The following CTNNA3 variants were observed in gnomAD, a reference collection of about 807,000 sequenced individuals.
The protein encoded by CTNNA3 is catenin alpha-3.
Under a neutral mutation model 95.7 loss-of-function variants are expected in CTNNA3, and 76 were observed. The observed-to-expected ratio is 0.79, with a 90% CI of 0.66 to 0.96. The LOEUF (loss-of-function observed/expected upper bound fraction) is 0.96. CTNNA3 is among the 40% of genes least tolerant of loss of function. The pLI, the probability that CTNNA3 is intolerant of heterozygous loss-of-function variation, is 0.00. For synonymous variants in CTNNA3, 431 were observed against 374.4 expected (o/e 1.15, Z -1.74); for missense variants, 1,191 against 1,089.8 (o/e 1.09, Z -1.31).
intron 15 of CTNNA3, among the ~76,000 whole-genome samples, chr10:66,034,795 T>G (rs139033778): frequency 3.9e-4 from 60 of 152,264 alleles, no homozygotes; most frequent in African/African-American, 1.4e-3. Context: ...ACACCACCCG[T>G]AAGCAAAACA....
intron 17 of CTNNA3, among the ~76,000 whole-genome samples, chr10:65,924,107 T>A (rs2077129351): frequency 6.6e-6 from 1 of 152,204 alleles, no homozygotes; most frequent in South Asian, 2.1e-4. Context: ...CATGTTGACT[T>A]AAGGCAAATG....
At chr10:66,763,078 C>G (rs760183361) in intron 9 of CTNNA3, among the ~76,000 whole-genome samples, 1 of 151,786 alleles carries the variant, frequency 6.6e-6, no homozygotes, top group African/African-American at 2.4e-5. Context: ...TGGTAGGGAG[C>G]AAGGAAGTAG....
chr10:67,740,812 A>T (rs992107011), intron 1 of CTNNA3, among the ~76,000 whole-genome samples: 3 of 151,378 alleles, frequency 2.0e-5, no homozygotes, highest in Non-Finnish European at 4.4e-5. Context: ...TTACTGGGTA[A>T]ATATCCAAAG....
intron 13 of CTNNA3, among the ~76,000 whole-genome samples, chr10:66,198,754 T>C (rs1473995693): frequency 6.6e-6 from 1 of 152,206 alleles, no homozygotes; most frequent in Admixed American, 6.5e-5. Context: ...ATGTATAGCA[T>C]ATATAATTAT....
At chr10:66,973,996 GT>G (rs1168625977) in intron 7 of CTNNA3, among the ~76,000 whole-genome samples, 2 of 151,990 alleles carry the variant, frequency 1.3e-5, no homozygotes, top group Non-Finnish European at 2.9e-5. Flanking sequence ...GGTTTAATAG[GT>G]TTTACCAACT....
intron 10 of CTNNA3, among the ~76,000 whole-genome samples, chr10:66,557,609 T>G (rs527332572): frequency 5.9e-5 from 9 of 152,214 alleles, no homozygotes; most frequent in African/African-American, 1.9e-4. Flanking sequence ...CAATATCCCA[T>G]CTGATTGATC....
chr10:66,974,389 C>T (rs766113338), intron 7 of CTNNA3, among the ~76,000 whole-genome samples: 29 of 152,294 alleles, frequency 1.9e-4, no homozygotes, highest in Admixed American at 5.2e-4. Context: ...GCACACTTTA[C>T]GCATTCACCT....
At chr10:67,387,227 G>T (rs1456108204) in intron 5 of CTNNA3, among the ~76,000 whole-genome samples, 1 of 152,186 alleles carries the variant, frequency 6.6e-6, no homozygotes, top group Non-Finnish European at 1.5e-5. Context: ...GAAGCAGGGT[G>T]AGGCATTGCC....
intron 16 of CTNNA3, among the ~76,000 whole-genome samples, chr10:65,967,216 A>C (rs2133258805): frequency 6.6e-6 from 1 of 151,882 alleles, no homozygotes; most frequent in East Asian, 1.9e-4. Flanking sequence ...TTGGCATCCC[A>C]CAGTGCTGGG....
chr10:66,420,721 C>A (rs956860330), intron 11 of CTNNA3, among the ~76,000 whole-genome samples: 2 of 151,870 alleles, frequency 1.3e-5, no homozygotes, highest in African/African-American at 2.4e-5. Context: ...ATCGCTTGAA[C>A]TGGGGAGGCA....
intron 15 of CTNNA3, among the ~76,000 whole-genome samples, chr10:65,996,302 C>T (rs1289931879): frequency 2.0e-5 from 3 of 152,130 alleles, no homozygotes; most frequent in Non-Finnish European, 2.9e-5. Flanking sequence ...CATGCTTTGG[C>T]TCCCTTTGTC....
intron 7 of CTNNA3, among the ~76,000 whole-genome samples, chr10:67,114,982 A>G (rs1859098828): frequency 6.6e-6 from 1 of 152,106 alleles, no homozygotes; most frequent in South Asian, 2.1e-4. Context: ...AAATGGGATT[A>G]TGTATCTAAG....
At chr10:66,227,132 T>C (rs2089333787) in intron 13 of CTNNA3, among the ~76,000 whole-genome samples, 2 of 152,186 alleles carry the variant, frequency 1.3e-5, no homozygotes, top group African/African-American at 4.8e-5. Flanking sequence ...CCTGAGTAGC[T>C]GGGACTACAC....
chr10:66,257,363 A>T (rs61867263), intron 13 of CTNNA3, among the ~76,000 whole-genome samples: 27,877 of 152,132 alleles, frequency 0.18, 2,754 homozygotes, highest in Admixed American at 0.26. Flanking sequence ...GCTGTTTTAC[A>T]CTGCCACTCC....
intron 5 of CTNNA3, among the ~76,000 whole-genome samples, chr10:67,254,656 A>G (rs1452112209): frequency 2.6e-5 from 4 of 152,246 alleles, no homozygotes; most frequent in Non-Finnish European, 4.4e-5. Context: ...GTGGTCCTGT[A>G]AGATCGTAAT....
chr10:67,264,187 C>A (rs761617300), intron 5 of CTNNA3, among the ~76,000 whole-genome samples: 1 of 151,948 alleles, frequency 6.6e-6, no homozygotes, highest in Admixed American at 6.6e-5. Context: ...TCCAGATAGA[C>A]CCATTTTTAA....
At chr10:66,265,522 T>G (rs533789888) in intron 13 of CTNNA3, among the ~76,000 whole-genome samples, 1 of 152,158 alleles carries the variant, frequency 6.6e-6, no homozygotes, top group African/African-American at 2.4e-5. Flanking sequence ...AATAACTTAT[T>G]GTCTGTCTTC....
chr10:66,190,667 G>A (rs76089850), intron 13 of CTNNA3, among the ~76,000 whole-genome samples: 1,542 of 152,126 alleles, frequency 0.01, 35 homozygotes, highest in African/African-American at 0.035. Flanking sequence ...TGCATGTTTC[G>A]TTTGTAGCAT....
chr10:66,702,872 A>T (rs558821955), intron 9 of CTNNA3, among the ~76,000 whole-genome samples: 1 of 152,162 alleles, frequency 6.6e-6, no homozygotes, highest in South Asian at 2.1e-4. Flanking sequence ...AGCCCGTCAC[A>T]CATTTTTACC....
Sources: allele counts gnomAD v4.1 joint callset (sites outside exome capture counted in the v4.1 genomes callset), GRCh38; gene constraint gnomAD v4.1.1; transcripts MANE v1.5; gene names NCBI Gene and HGNC (gene_info 2026-07-23, HGNC 2026-07-21).